Variants in ARMC1 observed in about 807,000 individuals in gnomAD.
The protein encoded by ARMC1 is armadillo repeat-containing protein 1.
Under a neutral mutation model 31.4 loss-of-function variants are expected in ARMC1, and 16 were observed. The ratio of observed to expected loss-of-function variants is 0.51; its 90% confidence interval spans 0.34 to 0.77. The LOEUF (loss-of-function observed/expected upper bound fraction) is 0.77, where lower values mean the gene tolerates loss of function less well. ARMC1 is among the 30% of genes least tolerant of loss of function. The probability of loss-of-function intolerance (pLI) is 0.01; values close to 1 mark genes in which losing one functional copy is unlikely to be tolerated. For missense variants in ARMC1, 259 were observed against 347.5 expected, an observed-to-expected ratio of 0.75 and a Z score of 2.02; for synonymous variants, 114 against 118.9, an observed-to-expected ratio of 0.96 and a Z score of 0.27.
At chr8:65,623,956 C>A (rs529092319) in intron 2 of ARMC1, among the ~76,000 whole-genome samples, 1 of 150,994 alleles carries the variant, frequency 6.6e-6, no homozygotes, top group Non-Finnish European at 1.5e-5. Flanking sequence ...AGCCACCACG[C>A]CTGGCTAATT....
At position 65,627,351 on chromosome 8, in the gene ARMC1, C is replaced by G. The variant is rs767365121; in HGVS notation, c.48G>C (p.Ser16=). Residue 16 remains serine (S), a synonymous_variant, in exon 2 of 7, where the codon TCG becomes TCC. Coordinates refer to ENST00000276569, the MANE Select transcript of ARMC1 (RefSeq NM_018120.6). Reference sequence around the variant, plus strand: ...CTAGATCCCGTAACTGGTTAACTACCGATAGAGCGTCAGGCTCTTCACTCA... The same window carrying G: ...CTAGATCCCGTAACTGGTTAACTACGGATAGAGCGTCAGGCTCTTCACTCA... The part of the protein sequence containing the change: ...STMSEEPDAL[S]VVNQLRDLAA... 9.4e-5 allele frequency: 152 copies of G among 1,611,848 alleles called. 1 individual carries two copies. The highest frequency in any genetic ancestry group is 5.7e-4 in the South Asian group (52 of 90,838).
At chr8:65,622,123 A>C in intron 3 of ARMC1, 140 bp downstream of exon 3, 1 of 639,488 alleles carries the variant, frequency 1.6e-6, no homozygotes, top group Non-Finnish European at 2.8e-6. Flanking sequence ...AATAGTAGTA[A>C]TCATGCCTAT....
intron 3 of ARMC1, among the ~76,000 whole-genome samples, chr8:65,619,877 G>A (rs966198050): frequency 7.2e-5 from 11 of 151,890 alleles, no homozygotes; most frequent in Non-Finnish European, 1.5e-4. Flanking sequence ...CCAGGTACTT[G>A]GGAGGCTGAG....
rs767195470 is a variant in ARMC1, at chr8:65,605,442, G to C, written c.562C>G (p.Arg188Gly). ...CTTACCTCAGCTTTCAAATCTGAACGGATTCGCACCACACACCTTTGAACA... is the reference window on the plus strand; with the variant it reads ...CTTACCTCAGCTTTCAAATCTGAACCGATTCGCACCACACACCTTTGAACA... ...MAVQRCVVRI[R>G]SDLKAEALAS... The change falls in exon 5 of 7, where the codon CGT (arginine) becomes GGT (glycine). Residue 188 changes from arginine (R) to glycine (G), a missense_variant. Physicochemically the swap from Arg to Gly is moderately radical, Grantham distance 125. This residue lies in a region of ARMC1 where 23 missense variants were observed against 60.8 expected (regional missense o/e 0.38). Coordinates refer to ENST00000276569, the MANE Select transcript of ARMC1 (RefSeq NM_018120.6). 11 of 1,613,866 alleles carry C rather than the reference G, an allele frequency of 6.8e-6. No individual in the cohort carries two copies. The highest frequency in any genetic ancestry group is 1.3e-5 in the African/African-American group (1 of 74,902).
intron 1 of ARMC1, among the ~76,000 whole-genome samples, chr8:65,632,379 C>G (rs1270070209): frequency 3.3e-4 from 50 of 152,030 alleles, no homozygotes; most frequent in Admixed American, 3.3e-3. Context: ...TTTGGGAGGC[C>G]GAGGCGAGCG....
chr8:65,631,673 T>C (rs942988184), intron 1 of ARMC1, among the ~76,000 whole-genome samples: 2 of 152,246 alleles, frequency 1.3e-5, no homozygotes, highest in Admixed American at 6.5e-5. Context: ...AATCATGTAT[T>C]AGATACATAT....
At chr8:65,615,943 T>A (rs1808241849) in intron 3 of ARMC1, among the ~76,000 whole-genome samples, 1 of 152,058 alleles carries the variant, frequency 6.6e-6, no homozygotes. Flanking sequence ...CTCCTTTCCA[T>A]TGTCAATAGT....
intron 4 of ARMC1, among the ~76,000 whole-genome samples, chr8:65,607,879 C>A (rs1182038833): frequency 6.6e-6 from 1 of 151,724 alleles, no homozygotes; most frequent in Non-Finnish European, 1.5e-5. Context: ...ATTAAGAATA[C>A]CCTTGCTACT....
intron 4 of ARMC1, 99 bp from the exon 5 acceptor site, chr8:65,605,637 G>T: frequency 2.4e-6 from 2 of 827,900 alleles, no homozygotes; most frequent in Non-Finnish European, 4.0e-6. Flanking sequence ...GAGAGCAAAT[G>T]ACCTATTTCA....
At chr8:65,614,627 G>A (rs887873190) in intron 3 of ARMC1, among the ~76,000 whole-genome samples, 11 of 151,990 alleles carry the variant, frequency 7.2e-5, no homozygotes, top group Admixed American at 3.9e-4. Context: ...TTAAAATCTG[G>A]CCCCATTTGG....
At chr8:65,633,041 G>A (rs1324998709) in intron 1 of ARMC1, 1 of 152,202 alleles carries the variant, frequency 6.6e-6, no homozygotes, top group Non-Finnish European at 1.5e-5. Context: ...GAGAGTCTGA[G>A]ATTCCGCATT....
At chr8:65,613,631 C>T (rs994860748) in intron 3 of ARMC1, among the ~76,000 whole-genome samples, 198 bp from the exon 4 acceptor site, 2 of 152,134 alleles carry the variant, frequency 1.3e-5, no homozygotes, top group Admixed American at 6.5e-5. Flanking sequence ...ATTTTAAACC[C>T]GTGGCTCATT....
At chr8:65,621,710 C>T (rs1585715191) in intron 3 of ARMC1, among the ~76,000 whole-genome samples, 1 of 152,204 alleles carries the variant, frequency 6.6e-6, no homozygotes, top group South Asian at 2.1e-4. Context: ...GATTTCACCA[C>T]GTTGGCCACG....
intron 3 of ARMC1, among the ~76,000 whole-genome samples, chr8:65,618,161 G>A (rs974687179): frequency 5.3e-5 from 8 of 151,924 alleles, no homozygotes; most frequent in Non-Finnish European, 1.0e-4. Flanking sequence ...TGATACACCC[G>A]CCTCGGCCTC....
intron 3 of ARMC1, among the ~76,000 whole-genome samples, chr8:65,616,901 C>T (rs1288291303): frequency 3.3e-5 from 5 of 150,384 alleles, no homozygotes; most frequent in Non-Finnish European, 5.9e-5. Context: ...GCCCGGCAGC[C>T]GCCCCGTCTG....
At position 65,634,142 on chromosome 8, in the gene ARMC1, A is replaced by C. The variant is rs912466724; in HGVS notation, c.-180T>G. ...CGCAAGCAACCGGACTAACTCAGGG[A>C]GCCAAAGAGCGAAGGCGCTGGCGGG... On this transcript the variant is annotated 5_prime_UTR_variant, in exon 1 of 7. Transcript: ENST00000276569. 3.3e-5 allele frequency: 5 copies of C among 152,356 alleles called. No homozygotes were observed. Among genetic ancestry groups the C allele is most frequent in the East Asian group, 1.9e-4 (1 of 5,208 alleles). 9.4% of individuals were successfully genotyped at this position (152,356 alleles called of 1,614,324 possible).
rs748579569 is a variant in ARMC1, at chr8:65,627,445, G to T, written c.-35-12C>A. On this transcript the variant is annotated splice_polypyrimidine_tract_variant and intron_variant, in intron 1 of 6. Transcript: ENST00000276569. ...TAAAATCTTAAATTCTGTAGAAAAG[G>T]TTTGCAGAATTAGTTCTAGGCTGCT... The T allele has an allele frequency of 1.4e-6, 2 of 1,465,574 alleles. No individual in the cohort carries two copies. The highest frequency in any genetic ancestry group is 2.4e-5 in the Admixed American group (1 of 41,548). The allele number at this position is 1,465,574 out of a possible 1,614,324, so 90.8% of individuals were successfully genotyped here.
chr8:65,618,199 C>T (rs942698534), intron 3 of ARMC1, among the ~76,000 whole-genome samples: 7 of 151,930 alleles, frequency 4.6e-5, no homozygotes, highest in Admixed American at 2.6e-4. Context: ...CCGGCATGAG[C>T]CACGGCACCC....
At chr8:65,617,763 C>T (rs6985932) in intron 3 of ARMC1, among the ~76,000 whole-genome samples, 96,436 of 151,662 alleles carry the variant, frequency 0.64, 30,879 homozygotes, top group African/African-American at 0.69. Flanking sequence ...AATTCATGGC[C>T]CAAACCTCAA....
Sources: allele counts gnomAD v4.1 joint callset (sites outside exome capture counted in the v4.1 genomes callset), GRCh38; gene constraint gnomAD v4.1.1; regional missense constraint gnomAD v4.1.1; transcripts MANE v1.5; gene names NCBI Gene and HGNC (gene_info 2026-07-23, HGNC 2026-07-21).